MTUS2: variants seen among roughly 807,000 people sequenced by gnomAD.
MTUS2 encodes the protein microtubule associated scaffold protein 2, also known as microtubule-associated tumor suppressor candidate 2.
A neutral mutation model predicts 114.1 loss-of-function variants in MTUS2; 40 were observed. The observed-to-expected ratio is 0.35, with a 90% CI of 0.27 to 0.46. The LOEUF (loss-of-function observed/expected upper bound fraction) is 0.46. Ranked by LOEUF, MTUS2 falls within the 20% of genes least tolerant of loss-of-function variation. The probability of loss-of-function intolerance (pLI) is 1.00; values close to 1 mark genes in which losing one functional copy is unlikely to be tolerated. For synonymous variants in MTUS2, 688 were observed against 672.0 expected, an observed-to-expected ratio of 1.02 and a Z score of -0.37; for missense variants, 1,679 against 1,705.4, an observed-to-expected ratio of 0.98 and a Z score of 0.27.
At chr13:29,418,456 T>C (rs1875839318) in intron 8 of MTUS2, among the ~76,000 whole-genome samples, 1 of 152,202 alleles carries the variant, frequency 6.6e-6, no homozygotes, top group Admixed American at 6.5e-5. Context: ...TTTCTGCTCA[T>C]ACAGATCAAG....
chr13:29,277,720 A>G (rs1898118288), intron 5 of MTUS2, among the ~76,000 whole-genome samples: 1 of 152,214 alleles, frequency 6.6e-6, no homozygotes, highest in African/African-American at 2.4e-5. Flanking sequence ...TCCAGCCAGT[A>G]GACTGAAGGC....
intron 2 of MTUS2, among the ~76,000 whole-genome samples, chr13:28,857,971 C>T (rs1366171719): frequency 2.0e-5 from 3 of 152,172 alleles, no homozygotes; most frequent in African/African-American, 7.2e-5. Context: ...TGTTTTAAAT[C>T]TCATTAAAAG....
At chr13:29,376,981 TAGA>T (rs1176745618) in intron 8 of MTUS2, among the ~76,000 whole-genome samples, 4 of 152,170 alleles carry the variant, frequency 2.6e-5, no homozygotes, top group African/African-American at 9.6e-5. Context: ...GCTATATTCA[TAGA>T]AGAAGAAGTA....
chr13:29,120,169 T>C (rs1891247464), intron 5 of MTUS2, among the ~76,000 whole-genome samples: 3 of 152,126 alleles, frequency 2.0e-5, no homozygotes, highest in Admixed American at 2.0e-4. Context: ...CTGGGCAGTC[T>C]CATACACTGA....
chr13:29,416,718 C>T (rs1011123481), intron 8 of MTUS2, among the ~76,000 whole-genome samples: 2 of 152,022 alleles, frequency 1.3e-5, no homozygotes, highest in African/African-American at 2.4e-5. Context: ...TATTTTCTTT[C>T]GTTGAGCTTT....
At chr13:28,847,613 A>G (rs972653982) in intron 2 of MTUS2, among the ~76,000 whole-genome samples, 1 of 152,168 alleles carries the variant, frequency 6.6e-6, no homozygotes, top group African/African-American at 2.4e-5. Flanking sequence ...TTTGCAGGGA[A>G]GGCCTCATTT....
At chr13:29,465,208 A>G (rs1287790354) in intron 9 of MTUS2, among the ~76,000 whole-genome samples, 1 of 152,216 alleles carries the variant, frequency 6.6e-6, no homozygotes, top group Non-Finnish European at 1.5e-5. Context: ...TTGAATTACT[A>G]GTAGAGGCCA....
At chr13:29,404,775 T>A (rs370156994) in intron 8 of MTUS2, among the ~76,000 whole-genome samples, 2 of 152,300 alleles carry the variant, frequency 1.3e-5, no homozygotes, top group East Asian at 3.9e-4. Flanking sequence ...GGCCTCATGA[T>A]AAAATAAATG....
intron 8 of MTUS2, among the ~76,000 whole-genome samples, chr13:29,365,453 G>T (rs1198256228): frequency 6.6e-6 from 1 of 150,660 alleles, no homozygotes; most frequent in Non-Finnish European, 1.5e-5. Flanking sequence ...AAAACTAATT[G>T]CCCCATTCAG....
intron 2 of MTUS2, among the ~76,000 whole-genome samples, chr13:28,895,706 C>G (rs546820951): frequency 5.9e-5 from 9 of 152,278 alleles, no homozygotes; most frequent in African/African-American, 1.9e-4. Context: ...TGCACCAGTG[C>G]CATGGAAACT....
intron 8 of MTUS2, among the ~76,000 whole-genome samples, chr13:29,373,420 AG>A (rs1289731118): frequency 6.6e-6 from 1 of 152,148 alleles, no homozygotes; most frequent in Non-Finnish European, 1.5e-5. Flanking sequence ...AGGACTAACA[AG>A]GGGGGCACCC....
chr13:28,824,135 T>C (rs1874102200), intron 1 of MTUS2, among the ~76,000 whole-genome samples: 1 of 152,222 alleles, frequency 6.6e-6, no homozygotes, highest in Non-Finnish European at 1.5e-5. Flanking sequence ...CTTGCATTCC[T>C]ACCTAGAAAA....
chr13:28,924,364 A>G (rs540436407), intron 2 of MTUS2, among the ~76,000 whole-genome samples: 1 of 152,252 alleles, frequency 6.6e-6, no homozygotes, highest in Non-Finnish European at 1.5e-5. Flanking sequence ...CTGAGCTTTC[A>G]TTACCTTTCT....
intron 8 of MTUS2, among the ~76,000 whole-genome samples, chr13:29,397,783 A>G (rs1382195240): frequency 2.0e-5 from 3 of 152,012 alleles, no homozygotes; most frequent in Non-Finnish European, 4.4e-5. Flanking sequence ...CCCTTTTGTC[A>G]TTTCCTTCCA....
At chr13:29,454,964 C>T (rs531478805) in intron 9 of MTUS2, among the ~76,000 whole-genome samples, 3 of 152,292 alleles carry the variant, frequency 2.0e-5, no homozygotes. Context: ...AAACATGAGG[C>T]AACTGTTTCT....
At chr13:29,314,711 G>A (rs1163029449) in intron 6 of MTUS2, among the ~76,000 whole-genome samples, 1 of 152,174 alleles carries the variant, frequency 6.6e-6, no homozygotes, top group Non-Finnish European at 1.5e-5. Context: ...CTACTGGGTG[G>A]TTTTTGTTGT....
chr13:28,908,160 C>CT (rs1364212725), intron 2 of MTUS2, among the ~76,000 whole-genome samples: 4 of 151,332 alleles, frequency 2.6e-5, no homozygotes, highest in Non-Finnish European at 4.4e-5. Context: ...TTTTATTATA[C>CT]TTTAAGTTTT....
chr13:28,964,001 C>G (rs1324513885), intron 2 of MTUS2, among the ~76,000 whole-genome samples: 4 of 152,166 alleles, frequency 2.6e-5, no homozygotes, highest in Non-Finnish European at 1.5e-5. Flanking sequence ...TCTACTTTCC[C>G]CATAAGTCTT....
intron 6 of MTUS2, chr13:29,306,894 C>A: frequency 1.9e-6 from 1 of 513,326 alleles, no homozygotes; most frequent in Non-Finnish European, 3.8e-6. Context: ...CCTTCATTGA[C>A]CTCAACTACA....
Sources: allele counts gnomAD v4.1 joint callset (sites outside exome capture counted in the v4.1 genomes callset), GRCh38; gene constraint gnomAD v4.1.1; transcripts MANE v1.5; gene names NCBI Gene and HGNC (gene_info 2026-07-23, HGNC 2026-07-21).